NPIPB2: variants seen among roughly 807,000 people sequenced by gnomAD.
The protein encoded by NPIPB2 is nuclear pore complex-interacting protein family member B2.
In NPIPB2, 27 loss-of-function variants were observed where a neutral mutation model predicts 30.8. The observed-to-expected ratio is 0.88, with a 90% CI of 0.65 to 1.21. The LOEUF (loss-of-function observed/expected upper bound fraction) is 1.21. Ranked by LOEUF, NPIPB2 falls within the 50% of genes most tolerant of loss-of-function variation. NPIPB2 has a pLI of 0.00. For missense variants in NPIPB2, 440 were observed against 446.2 expected (o/e 0.99, Z 0.13); for synonymous variants, 147 against 162.0 (o/e 0.91, Z 0.70).
intron 1 of NPIPB2, among the ~76,000 whole-genome samples, chr16:11,958,310 C>T (rs556168820): frequency 6.6e-6 from 1 of 151,982 alleles, no homozygotes; most frequent in Admixed American, 6.6e-5. Context: ...GCCTGTAATC[C>T]CAGCTACTCA....
In NPIPB2 at chr16:11,960,473, C is replaced by T. The variant is rs560960681; in HGVS notation, c.-584+16095G>A. On this transcript the variant is annotated intron_variant, in intron 1 of 5. Coordinates refer to the NPIPB2 transcript ENST00000538896. The stretch of plus-strand genomic sequence containing the variant: ...CCAGGTTCAAGCAATTGCCCTGCCT[C>T]AGGCTCCCACGTAGCTAGGATTACA... Among the ~76,000 whole-genome samples, 9 of 151,692 alleles carry T rather than the reference C, an allele frequency of 5.9e-5. 1 individual carries two copies. In the South Asian group the frequency reaches 1.9e-3, roughly 32 times the overall value.
At chr16:11,963,337 G>A (rs1321090838) in intron 1 of NPIPB2, among the ~76,000 whole-genome samples, 4 of 147,776 alleles carry the variant, frequency 2.7e-5, no homozygotes, top group East Asian at 4.0e-4. Context: ...CCGAGATCGC[G>A]CCATTGCACT....
chr16:11,947,296 T>TTTTATTTATTTATTTA lies in NPIPB2; in HGVS notation c.-583-5198_-583-5183dup, dbSNP rs146457872. On this transcript the variant is annotated intron_variant, in intron 1 of 5. Coordinates refer to the NPIPB2 transcript ENST00000538896. ...GTGTGTACATAGGTACATACACATA[T>TTTTATTTATTTATTTA]TTTATTTATTTATTTATTTATTTAT... is the stretch of plus-strand genomic sequence containing the variant. 7.4e-5 allele frequency among the ~76,000 whole-genome samples: 10 copies of TTTTATTTATTTATTTA among 135,956 alleles called. No homozygotes were observed. The South Asian group carries it at 1.2e-3, about 16-fold the overall frequency. The allele number at this position is 135,956 out of a possible 152,430, so 89.2% of individuals were successfully genotyped here. A position where few individuals can be genotyped will look rare whatever the true frequency, so the allele number is the denominator to read the frequency against.
At chr16:11,964,860 G>A (rs753643751) in intron 1 of NPIPB2, among the ~76,000 whole-genome samples, 1 of 152,120 alleles carries the variant, frequency 6.6e-6, no homozygotes, top group Non-Finnish European at 1.5e-5. Flanking sequence ...CCCTGCAGCT[G>A]GCCTCAATGT....
intron 1 of NPIPB2, among the ~76,000 whole-genome samples, chr16:11,975,726 G>A (rs969050064): frequency 6.6e-6 from 1 of 151,980 alleles, no homozygotes; most frequent in Non-Finnish European, 1.5e-5. Flanking sequence ...CAGTAGCTGG[G>A]ACTACAGGCG....
chr16:11,948,347 G>T (rs951118680), intron 1 of NPIPB2, among the ~76,000 whole-genome samples: 1 of 152,086 alleles, frequency 6.6e-6, no homozygotes, highest in Non-Finnish European at 1.5e-5. Flanking sequence ...GTCATTGTGC[G>T]TCTGTGAGGA....
intron 1 of NPIPB2, chr16:11,967,425 G>A: frequency 2.5e-6 from 2 of 800,740 alleles, no homozygotes; most frequent in Non-Finnish European, 1.9e-6. Context: ...TTTGAATGCA[G>A]CCTGGGCAAC....
At chr16:11,957,108 T>G (rs2055118380) in intron 1 of NPIPB2, among the ~76,000 whole-genome samples, 1 of 151,788 alleles carries the variant, frequency 6.6e-6, no homozygotes. Flanking sequence ...TTCTCCTGCC[T>G]CAGCCTCCAA....
At chr16:11,944,900 C>T (rs1385511567), upstream of NPIPB2, among the ~76,000 whole-genome samples, 3 of 150,484 alleles carry the variant, frequency 2.0e-5, no homozygotes, top group African/African-American at 2.4e-5. Context: ...AATAGCCAGC[C>T]GGGCACGGTG....
intron 1 of NPIPB2, among the ~76,000 whole-genome samples, chr16:11,974,453 G>C (rs1441686802): frequency 2.6e-5 from 4 of 152,128 alleles, no homozygotes; most frequent in Non-Finnish European, 5.9e-5. Context: ...GGAAGCGGAG[G>C]TTGTAGTGAG....
At chr16:11,936,824 C>T (rs1045200886) in intron 2 of NPIPB2, among the ~76,000 whole-genome samples, 1 of 146,018 alleles carries the variant, frequency 6.8e-6, no homozygotes, top group Non-Finnish European at 1.5e-5. Flanking sequence ...GAGGGCAGTT[C>T]TAAGAGATTC....
intron 1 of NPIPB2, 148 bp downstream of exon 1, chr16:11,941,835 A>T: frequency 8.4e-7 from 1 of 1,189,174 alleles, no homozygotes; most frequent in Non-Finnish European, 1.2e-6. Flanking sequence ...AACCTTCACA[A>T]ACCTGATTTC....
At chr16:11,973,849 G>C (rs2055251121) in intron 1 of NPIPB2, among the ~76,000 whole-genome samples, 1 of 152,188 alleles carries the variant, frequency 6.6e-6, no homozygotes, top group Non-Finnish European at 1.5e-5. Flanking sequence ...AGCAAAACAG[G>C]TTATGGGACT....
chr16:11,938,445 C>T (rs1391315789), intron 1 of NPIPB2, among the ~76,000 whole-genome samples: 3 of 152,124 alleles, frequency 2.0e-5, no homozygotes, highest in Admixed American at 1.3e-4. Flanking sequence ...ATTCTTCTGC[C>T]TCAGCCTCCT....
chr16:11,941,509 G>A (rs1373948224), intron 1 of NPIPB2, among the ~76,000 whole-genome samples: 2 of 151,548 alleles, frequency 1.3e-5, no homozygotes, highest in East Asian at 1.9e-4. Flanking sequence ...GTTCTCAAGC[G>A]CTGGTGGAAG....
chr16:11,958,226 G>C (rs2055127004), intron 1 of NPIPB2, among the ~76,000 whole-genome samples: 1 of 151,980 alleles, frequency 6.6e-6, no homozygotes, highest in Admixed American at 6.6e-5. Context: ...AGGAGTTCAA[G>C]ACTAGCCTGG....
intron 1 of NPIPB2, among the ~76,000 whole-genome samples, chr16:11,957,121 G>A (rs1342369922): frequency 1.3e-5 from 2 of 149,746 alleles, no homozygotes; most frequent in Non-Finnish European, 3.0e-5. Flanking sequence ...GCCTCCAAGT[G>A]GCTGGGATTA....
intron 1 of NPIPB2, chr16:11,964,031 C>CAAAAAAAAA (rs756796881): frequency 1.1e-5 from 1 of 91,068 alleles, no homozygotes; most frequent in Admixed American, 1.0e-4. Context: ...GAGACTCTGT[C>CAAAAAAAAA]AAAAAAAAAA....
At chr16:11,959,187 T>A (rs2055136603) in intron 1 of NPIPB2, among the ~76,000 whole-genome samples, 1 of 152,140 alleles carries the variant, frequency 6.6e-6, no homozygotes, top group African/African-American at 2.4e-5. Flanking sequence ...GATTCCTCAC[T>A]GTTCCTTCTA....
Sources: allele counts gnomAD v4.1 joint callset (sites outside exome capture counted in the v4.1 genomes callset), GRCh38; gene constraint gnomAD v4.1.1; transcripts MANE v1.5; gene names NCBI Gene and HGNC (gene_info 2026-07-23, HGNC 2026-07-21).